INPP5E: variants seen among roughly 807,000 people sequenced by gnomAD.
The protein encoded by INPP5E is inositol polyphosphate-5-phosphatase E.
Under a neutral mutation model 50.5 loss-of-function variants are expected in INPP5E, and 34 were observed. That is an observed-to-expected ratio of 0.67 (90% confidence interval 0.51 to 0.90). The LOEUF (loss-of-function observed/expected upper bound fraction) is 0.90. INPP5E is among the 40% of genes least tolerant of loss of function. INPP5E has a pLI of 0.00. For missense variants in INPP5E, 942 were observed against 905.5 expected, an observed-to-expected ratio of 1.04 and a Z score of -0.52; for synonymous variants, 447 against 406.0, an observed-to-expected ratio of 1.10 and a Z score of -1.21.
At chr9:136,438,520 G>A (rs901218422) in intron 1 of INPP5E, 88 bp downstream of exon 1, 3 of 1,187,770 alleles carry the variant, frequency 2.5e-6, no homozygotes, top group African/African-American at 3.0e-5. Context: ...CTTAAACGCT[G>A]CTGATGGGAA....
Position 136,433,148 on chromosome 9 carries a change from C to G in INPP5E, c.1159+7G>C. On this transcript the variant is annotated splice_region_variant and intron_variant, in intron 4 of 9. Transcript: ENST00000371712. The stretch of plus-strand genomic sequence containing the variant: ...CCAGCCGCGCCCACCCCTCCAGCCG[C>G]GCCCACCTGAGCAGAACCAGATGAG... 6.5e-7 allele frequency: 1 copy of G among 1,549,184 alleles called. No individual in the cohort carries two copies. The highest frequency in any genetic ancestry group is 8.7e-7 in the Non-Finnish European group (1 of 1,149,206).
chr9:136,432,996 AAAG>A lies in INPP5E; in HGVS notation c.1236_1238del (p.Phe414del), dbSNP rs749851382. 6.2e-7 allele frequency: 1 copy of A among 1,613,726 alleles called. No individual in the cohort carries two copies. The highest frequency in any genetic ancestry group is 1.7e-5 in the Admixed American group (1 of 60,000). On this transcript the variant is annotated inframe_deletion, in exon 5 of 10. Transcript: ENST00000371712. Reference sequence around the variant, plus strand: ...TGATGAAGAGGAAGGAAGTGCCAAAAAAGGTGAAGCTGATGCCCAAGGCCCCCT... The same window carrying A: ...TGATGAAGAGGAAGGAAGTGCCAAAAGTGAAGCTGATGCCCAAGGCCCCCT...
In INPP5E at chr9:136,439,697, G is replaced by A. The variant is rs1401866734; in HGVS notation, c.-278C>T. 1 of 312,462 alleles carries A rather than the reference G, an allele frequency of 3.2e-6. No individual in the cohort carries two copies. The highest frequency in any genetic ancestry group is 5.8e-6 in the Non-Finnish European group (1 of 171,262). 19.4% of individuals were successfully genotyped at this position (312,462 alleles called of 1,614,324 possible). ...TGGGCGCCTGTCGCGGGGGAGGTTC[G>A]ACCCCGACGGGGACGCCGCTCGGGG... is the stretch of plus-strand genomic sequence containing the variant. On this transcript the variant is annotated 5_prime_UTR_variant, in exon 1 of 10. Coordinates refer to ENST00000371712, the MANE Select transcript of INPP5E (RefSeq NM_019892.6).
Position 136,430,185 on chromosome 9 carries a change from T to A in INPP5E, c.1802+92A>T, listed in dbSNP as rs888794722. 2.7e-6 allele frequency: 4 copies of A among 1,492,694 alleles called. No individual in the cohort carries two copies. The African/African-American group carries it at 5.6e-5, about 21-fold the overall frequency. 92.5% of individuals were successfully genotyped at this position (1,492,694 alleles called of 1,614,324 possible). ...GAAGGTCCCAGAACAAAGCCCCAAG[T>A]GGAACCCCACGATGACAGGGACCCT... On this transcript the variant is annotated intron_variant, in intron 9 of 9. Transcript: ENST00000371712.
intron 8 of INPP5E, among the ~76,000 whole-genome samples, chr9:136,430,715 CAGG>C (rs1835679675): frequency 6.6e-6 from 1 of 152,318 alleles, no homozygotes; most frequent in African/African-American, 2.4e-5. Flanking sequence ...ATGGGCCTGG[CAGG>C]AGGGTGAGCG....
At position 136,434,779 on chromosome 9, in the gene INPP5E, C is replaced by T; in HGVS notation, c.897G>A (p.Val299=). ...ELARYFPDRN[V]ALFVATWNMQ... is the part of the protein sequence containing the mutation. Reference sequence around the variant, plus strand: ...TGTTCCAGGTGGCCACGAAGAGTGCCACGTTCCGGTCTGGGAAGTAGCGGG... The same window carrying T: ...TGTTCCAGGTGGCCACGAAGAGTGCTACGTTCCGGTCTGGGAAGTAGCGGG... Residue 299 remains valine, a synonymous_variant, in exon 2 of 10, where the codon GTG becomes GTA. Transcript: ENST00000371712. 2 of 1,612,060 alleles carry T rather than the reference C, an allele frequency of 1.2e-6. No individual in the cohort carries two copies. The highest frequency in any genetic ancestry group is 1.7e-6 in the Non-Finnish European group (2 of 1,179,802).
intron 9 of INPP5E, 91 bp downstream of exon 9, chr9:136,430,186 G>GGAACCCC: frequency 6.7e-7 from 1 of 1,493,976 alleles, no homozygotes; most frequent in South Asian, 1.2e-5. Context: ...AGCCCCAAGT[G>GGAACCCC]GAACCCCACG....
Position 136,429,189 on chromosome 9 carries a change from C to T in INPP5E, c.*486G>A, listed in dbSNP as rs980488103. Reference sequence around the variant, plus strand: ...CTGAGGCCCCAGGGGTCACCTAGCCCAGATCCAGCCTTGCTCTGGATACCC... The same window carrying T: ...CTGAGGCCCCAGGGGTCACCTAGCCTAGATCCAGCCTTGCTCTGGATACCC... On this transcript the variant is annotated 3_prime_UTR_variant, in exon 10 of 10. Transcript: ENST00000371712. 2 of 241,810 alleles carry T rather than the reference C, an allele frequency of 8.3e-6. No homozygotes were observed. The highest frequency in any genetic ancestry group is 1.9e-4 in the East Asian group (2 of 10,416). 15.0% of individuals were successfully genotyped at this position (241,810 alleles called of 1,614,324 possible).
Position 136,432,527 on chromosome 9 carries a change from C to G in INPP5E, c.1339G>C (p.Val447Leu). ...LDYTRTVQAL[V>L]LPRNVPDTNP... Reference sequence around the variant, plus strand: ...GTGTCGGGCACATTTCTGGGCAGGACCAGGGCTTGTACAGTCCTGGTGTAG... The same window carrying G: ...GTGTCGGGCACATTTCTGGGCAGGAGCAGGGCTTGTACAGTCCTGGTGTAG... Residue 447 changes from valine (V) to leucine (L), a missense_variant, in exon 6 of 10, where the codon GTC (valine) becomes CTC (leucine). Transcript: ENST00000371712. 1 of 1,551,578 alleles carries G rather than the reference C, an allele frequency of 6.4e-7. No homozygotes were observed. The highest frequency in any genetic ancestry group is 8.7e-7 in the Non-Finnish European group (1 of 1,147,338).
Position 136,428,805 on chromosome 9 carries a change from G to C in INPP5E, c.*870C>G, listed in dbSNP as rs1835631997. On this transcript the variant is annotated 3_prime_UTR_variant, in exon 10 of 10. Transcript: ENST00000371712. ...AGAAAGAAACCCGGGACATGGTGGG[G>C]ATCCCTGGCCTAGGTGTTCAAGGTG... is the stretch of plus-strand genomic sequence containing the variant. The C allele has an allele frequency of 6.6e-6, 1 of 152,502 alleles. No homozygotes were observed. The highest frequency in any genetic ancestry group is 1.5e-5 in the Non-Finnish European group (1 of 68,066). The allele number at this position is 152,502 out of a possible 1,614,324, so 9.4% of individuals were successfully genotyped here.
chr9:136,439,370 G>A lies in INPP5E; in HGVS notation c.50C>T (p.Pro17Leu), dbSNP rs776845366. The A allele has an allele frequency of 7.6e-6, 11 of 1,456,256 alleles. No homozygotes were observed. In the South Asian group the frequency reaches 1.5e-4, roughly 20 times the overall value. The allele number at this position is 1,456,256 out of a possible 1,614,324, so 90.2% of individuals were successfully genotyped here. Residue 17 changes from proline (P) to leucine (L), a missense_variant, in exon 1 of 10, where the codon CCG becomes CTG. Transcript: ENST00000371712. Reference sequence around the variant, plus strand: ...TCCTTGGAGCGTCCTCCCTTCCGGCGGCTGCGGGGCCGGCTCGGAGGGCCG... The same window carrying A: ...TCCTTGGAGCGTCCTCCCTTCCGGCAGCTGCGGGGCCGGCTCGGAGGGCCG... Reference protein sequence around the residue: ...NLRPSEPAPQPPEGRTLQGQL... With the variant: ...NLRPSEPAPQLPEGRTLQGQL...
Position 136,431,934 on chromosome 9 carries a change from A to C in INPP5E, c.1439T>G (p.Phe480Cys). Residue 480 changes from phenylalanine (F) to cysteine (C), a missense_variant, in exon 7 of 10, where the codon TTC (phenylalanine) becomes TGC (cysteine). Physicochemically the swap from Phe to Cys is radical, Grantham distance 205 (BLOSUM62 -2). Transcript: ENST00000371712. ...DEVFWFGDFN[F>C]RLSGGRTVVD... ...GACTGTGCGCCCGCCACTCAGGCGG[A>C]AGTTGAAGTCTCCAAACCAGAACAC... 1 of 1,611,810 alleles carries C rather than the reference A, an allele frequency of 6.2e-7. No individual in the cohort carries two copies. Among genetic ancestry groups the C allele is most frequent in the Non-Finnish European group, 8.5e-7 (1 of 1,179,730 alleles).
At chr9:136,437,370 T>C (rs1564435798) in intron 1 of INPP5E, 1 of 152,214 alleles carries the variant, frequency 6.6e-6, no homozygotes, top group East Asian at 1.9e-4. Flanking sequence ...AAGACCACCC[T>C]GGATTTAGGG....
chr9:136,429,873 C>T, intron 9 of INPP5E, 66 bp from the exon 10 acceptor site: 2 of 1,262,268 alleles, frequency 1.6e-6, no homozygotes, highest in Non-Finnish European at 1.1e-6. Flanking sequence ...TAGGAGGGGG[C>T]CGGCCCCGGA....
At position 136,429,737 on chromosome 9, in the gene INPP5E, C is replaced by A; in HGVS notation, c.1873G>T (p.Glu625Ter). The A allele has an allele frequency of 6.2e-7, 1 of 1,614,080 alleles. No homozygotes were observed. Among genetic ancestry groups the A allele is most frequent in the Non-Finnish European group, 8.5e-7 (1 of 1,179,994 alleles). Residue 625 changes from glutamate (E) to a stop codon, truncating the protein, a stop_gained, in exon 10 of 10, where the codon GAG becomes TAG. Transcript: ENST00000371712. LOFTEE classifies it low-confidence loss of function (END_TRUNC). ...TGTAGTGCTTGCTGCCTCTGAATCT[C>A]CTTCGAAATCCGTCTTTTAATTCCT... ...LLGIKRRISK[E>*]IQRQQALQSQ...
chr9:136,430,399 G>A lies in INPP5E; in HGVS notation c.1680C>T (p.Tyr560=). 1 of 1,555,934 alleles carries A rather than the reference G, an allele frequency of 6.4e-7. No individual in the cohort carries two copies. Among genetic ancestry groups the A allele is most frequent in the Non-Finnish European group, 8.7e-7 (1 of 1,148,962 alleles). ...AGATGTCACCCTTGTGGCGGCTTCT[G>A]TACAAGACGCGGTCCTTTGGGAAGA... ...RTPSYTDRVL[Y]RSRHKGDICP... The change falls in exon 9 of 10, where the codon TAC becomes TAT. Residue 560 remains tyrosine (Y), a synonymous_variant. Transcript: ENST00000371712.
chr9:136,434,068 C>T lies in INPP5E; in HGVS notation c.1003G>A (p.Val335Ile). The T allele has an allele frequency of 6.2e-7, 1 of 1,610,956 alleles. No homozygotes were observed. Among genetic ancestry groups the T allele is most frequent in the Non-Finnish European group, 8.5e-7 (1 of 1,179,514 alleles). ...GAACAGCCCTCCTGGACCCCGATGA[C>T]ATACAGGTCCTGGGCATAGTCGGCC... ...AEADYAQDLY[V>I]IGVQEGCSDR... Residue 335 changes from valine to isoleucine, a missense_variant, in exon 3 of 10, where the codon GTC (valine) becomes ATC (isoleucine). Physicochemically the swap from Val to Ile is conservative, Grantham distance 29 (BLOSUM62 3). Transcript: ENST00000371712.
chr9:136,434,775 G>C lies in INPP5E; in HGVS notation c.901C>G (p.Leu301Val). The part of the protein sequence containing the change: ...ARYFPDRNVA[L>V]FVATWNMQGQ... Reference sequence around the variant, plus strand: ...TGCATGTTCCAGGTGGCCACGAAGAGTGCCACGTTCCGGTCTGGGAAGTAG... The same window carrying C: ...TGCATGTTCCAGGTGGCCACGAAGACTGCCACGTTCCGGTCTGGGAAGTAG... The change falls in exon 2 of 10, where the codon CTC becomes GTC. Residue 301 changes from leucine (L) to valine (V), a missense_variant. Leu to Val is a conservative substitution (Grantham distance 32, BLOSUM62 1). Transcript: ENST00000371712. The C allele has an allele frequency of 6.2e-7, 1 of 1,611,892 alleles. No homozygotes were observed. The highest frequency in any genetic ancestry group is 1.3e-5 in the African/African-American group (1 of 74,894).
At position 136,438,668 on chromosome 9, in the gene INPP5E, C is replaced by G. The variant is rs201792737; in HGVS notation, c.752G>C (p.Arg251Pro). The G allele has an allele frequency of 1.0e-5, 16 of 1,590,738 alleles. No individual in the cohort carries two copies. The highest frequency in any genetic ancestry group is 1.4e-5 in the Non-Finnish European group (16 of 1,169,028). The change falls in exon 1 of 10, where the codon CGC becomes CCC. Residue 251 changes from arginine to proline, a missense_variant. Arg to Pro is a moderately radical substitution (Grantham distance 103). Transcript: ENST00000371712. ...GAGGCTGAAGGAGGATTTGGCCGAG[C>G]GAAGGGAACAGTCGTCGCAGGCCAG... is the stretch of plus-strand genomic sequence containing the variant. Reference protein sequence around the residue: ...SPLACDDCSLRSAKSSFSLLA... With the variant: ...SPLACDDCSLPSAKSSFSLLA...
Sources: allele counts gnomAD v4.1 joint callset (sites outside exome capture counted in the v4.1 genomes callset), GRCh38; gene constraint gnomAD v4.1.1; transcripts MANE v1.5; gene names NCBI Gene and HGNC (gene_info 2026-07-23, HGNC 2026-07-21).